WWOX: variants seen among roughly 807,000 people sequenced by gnomAD.
WWOX encodes the protein WW domain-containing oxidoreductase.
In WWOX, 69 loss-of-function variants were observed where a neutral mutation model predicts 46.2. That is an observed-to-expected ratio of 1.49 (90% CI 1.23 to 1.82). WWOX has a LOEUF of 1.82. Ranked by LOEUF, WWOX falls within the 40% of genes most tolerant of loss-of-function variation. The pLI is 0.00. For synonymous variants in WWOX, 359 were observed against 202.6 expected (o/e 1.77, Z -6.56); for missense variants, 919 against 542.6 (o/e 1.69, Z -6.89).
chr16:78,908,539 C>CA (rs1431079427), intron 8 of WWOX, among the ~76,000 whole-genome samples: 7 of 21,870 alleles, frequency 3.2e-4, no homozygotes, highest in Non-Finnish European at 1.6e-3. Context: ...AACTCTGTCT[C>CA]GGAAAAAAAA....
chr16:78,733,352 G>C (rs1360068811), intron 8 of WWOX, among the ~76,000 whole-genome samples: 1 of 152,080 alleles, frequency 6.6e-6, no homozygotes, highest in African/African-American at 2.4e-5. Context: ...CTTCCCAGAA[G>C]GTCAAGGCAG....
chr16:78,835,085 A>AGG (rs1271223063), intron 8 of WWOX, among the ~76,000 whole-genome samples: 2 of 152,074 alleles, frequency 1.3e-5, no homozygotes, highest in African/African-American at 4.8e-5. Flanking sequence ...GTGGAGGAGG[A>AGG]AGCTCCAAAA....
chr16:78,387,071 AT>A, intron 6 of WWOX, 123 bp downstream of exon 6: 1 of 932,654 alleles, frequency 1.1e-6, no homozygotes, highest in Non-Finnish European at 1.7e-6. Context: ...CAGGAGGCTC[AT>A]TTATATTGGC....
chr16:78,563,394 A>G (rs1020314355), intron 8 of WWOX, among the ~76,000 whole-genome samples: 1 of 152,146 alleles, frequency 6.6e-6, no homozygotes, highest in East Asian at 1.9e-4. Flanking sequence ...CAGGAACAGA[A>G]CTGACAGGTA....
intron 5 of WWOX, among the ~76,000 whole-genome samples, chr16:78,180,452 T>C (rs78353049): frequency 1.4e-4 from 21 of 151,628 alleles, no homozygotes; most frequent in African/African-American, 5.1e-4. Context: ...TTAGGGCTAG[T>C]GCGTAAACCC....
intron 8 of WWOX, among the ~76,000 whole-genome samples, chr16:78,673,744 C>T (rs1024479635): frequency 4.6e-5 from 7 of 152,320 alleles, no homozygotes; most frequent in Middle Eastern, 3.4e-3. Flanking sequence ...TACTGTTCTC[C>T]ACTTCCTTAA....
intron 8 of WWOX, among the ~76,000 whole-genome samples, chr16:78,464,603 G>A (rs994637362): frequency 6.6e-6 from 1 of 152,154 alleles, no homozygotes; most frequent in Admixed American, 6.5e-5. Context: ...GGCTATGTCA[G>A]AAGCAAGTCA....
intron 8 of WWOX, among the ~76,000 whole-genome samples, chr16:79,154,858 G>T (rs1404462076): frequency 6.6e-6 from 1 of 152,142 alleles, no homozygotes; most frequent in Non-Finnish European, 1.5e-5. Flanking sequence ...CTTGATCCAA[G>T]GTTTAGGCTC....
At chr16:78,912,704 A>G (rs749117756) in intron 8 of WWOX, among the ~76,000 whole-genome samples, 2 of 152,000 alleles carry the variant, frequency 1.3e-5, no homozygotes, top group Non-Finnish European at 2.9e-5. Context: ...CAGCTCTCAT[A>G]AAACTTTATG....
intron 8 of WWOX, among the ~76,000 whole-genome samples, chr16:78,444,471 G>C (rs928852952): frequency 6.6e-6 from 1 of 151,394 alleles, no homozygotes; most frequent in African/African-American, 2.4e-5. Context: ...TTTATTAAGA[G>C]AATGGATATT....
intron 5 of WWOX, among the ~76,000 whole-genome samples, chr16:78,244,660 G>C (rs571352840): frequency 6.6e-6 from 1 of 152,188 alleles, no homozygotes; most frequent in Non-Finnish European, 1.5e-5. Flanking sequence ...AAACCCATTT[G>C]TTAGTCTCTG....
chr16:78,975,952 C>A (rs9930939), intron 8 of WWOX, among the ~76,000 whole-genome samples: 2 of 152,088 alleles, frequency 1.3e-5, no homozygotes, highest in African/African-American at 2.4e-5. Flanking sequence ...TCCCCTGATA[C>A]CCTCCTGCCT....
intron 8 of WWOX, among the ~76,000 whole-genome samples, chr16:78,757,875 A>G (rs548980658): frequency 4.6e-4 from 70 of 152,128 alleles, no homozygotes; most frequent in African/African-American, 4.8e-5. Flanking sequence ...TTCCACTCTC[A>G]TGACTGAAGT....
chr16:79,107,248 A>G (rs1567554786), intron 8 of WWOX, among the ~76,000 whole-genome samples: 1 of 149,240 alleles, frequency 6.7e-6, no homozygotes, highest in Admixed American at 6.7e-5. Context: ...GCCCAAAATG[A>G]CTTTTTATTT....
chr16:78,931,275 T>C (rs2045618675), intron 8 of WWOX, among the ~76,000 whole-genome samples: 1 of 152,116 alleles, frequency 6.6e-6, no homozygotes, highest in Non-Finnish European at 1.5e-5. Flanking sequence ...CAGCATGCTC[T>C]AGGAATGGTA....
chr16:79,138,956 CAG>C (rs1447301155), intron 8 of WWOX, among the ~76,000 whole-genome samples: 4 of 152,140 alleles, frequency 2.6e-5, no homozygotes, highest in Admixed American at 6.5e-5. Context: ...CCATTCACTG[CAG>C]AGTCTTCCCC....
intron 5 of WWOX, among the ~76,000 whole-genome samples, chr16:78,213,584 G>T (rs1358147025): frequency 1.3e-5 from 2 of 151,884 alleles, no homozygotes; most frequent in East Asian, 3.9e-4. Context: ...GTCAGATATT[G>T]CAGGATTTTT....
chr16:78,205,478 C>T (rs1332042434), intron 5 of WWOX, among the ~76,000 whole-genome samples: 1 of 152,010 alleles, frequency 6.6e-6, no homozygotes, highest in Non-Finnish European at 1.5e-5. Context: ...TACCCATCCA[C>T]CCTTCCATAC....
intron 8 of WWOX, among the ~76,000 whole-genome samples, chr16:78,850,909 A>G (rs780441070): frequency 3.9e-5 from 6 of 152,186 alleles, no homozygotes; most frequent in Admixed American, 3.9e-4. Flanking sequence ...TCACTTATTG[A>G]TCAGTCATGA....
Sources: gnomAD v4.1 joint callset for allele counts (sites outside exome capture counted in the v4.1 genomes callset) on GRCh38, gnomAD v4.1.1 for gene constraint, MANE v1.5 for transcripts, NCBI Gene and HGNC (gene_info 2026-07-23, HGNC 2026-07-21) for gene names.